WNT3A: variants seen among roughly 807,000 people sequenced by gnomAD.
WNT3A encodes protein Wnt-3a.
Under a neutral mutation model 37.0 loss-of-function variants are expected in WNT3A, and 17 were observed. The ratio of observed to expected loss-of-function variants is 0.46; its 90% CI spans 0.31 to 0.69. The LOEUF (loss-of-function observed/expected upper bound fraction) is 0.69. Ranked by LOEUF, WNT3A falls within the 30% of genes least tolerant of loss-of-function variation. WNT3A has a pLI of 0.05. For synonymous variants in WNT3A, 187 were observed against 211.0 expected (o/e 0.89, Z 0.99); for missense variants, 411 against 510.2 (o/e 0.81, Z 1.87).
intron 1 of WNT3A, among the ~76,000 whole-genome samples, chr1:228,016,091 G>A (rs2030524616): frequency 6.6e-6 from 1 of 152,120 alleles, no homozygotes; most frequent in Non-Finnish European, 1.5e-5. Context: ...CTACTACCTT[G>A]CTCTTTTGGG....
chr1:228,044,344 G>C (rs1166069365), intron 2 of WNT3A, among the ~76,000 whole-genome samples: 1 of 152,110 alleles, frequency 6.6e-6, no homozygotes, highest in African/African-American at 2.4e-5. Context: ...CCACACTCTG[G>C]ACGTCACTCA....
intron 3 of WNT3A, among the ~76,000 whole-genome samples, chr1:228,056,545 A>C (rs2031685948): frequency 6.6e-6 from 1 of 152,218 alleles, no homozygotes; most frequent in Non-Finnish European, 1.5e-5. Flanking sequence ...AAGAGATTAA[A>C]AATAAGAGCA....
At chr1:228,022,111 G>T (rs892154185) in intron 1 of WNT3A, among the ~76,000 whole-genome samples, 2 of 152,198 alleles carry the variant, frequency 1.3e-5, no homozygotes, top group Non-Finnish European at 2.9e-5. Context: ...TAAATAGCCA[G>T]CATTGAGTAT....
intron 1 of WNT3A, among the ~76,000 whole-genome samples, chr1:228,017,957 C>CA (rs1033754857): frequency 6.6e-6 from 1 of 152,160 alleles, no homozygotes; most frequent in African/African-American, 2.4e-5. Flanking sequence ...CCTATCTCTA[C>CA]AAAAAATACA....
intron 2 of WNT3A, among the ~76,000 whole-genome samples, chr1:228,043,586 GT>G (rs2102775695): frequency 6.6e-6 from 1 of 152,362 alleles, no homozygotes; most frequent in African/African-American, 2.4e-5. Flanking sequence ...TGACAAAGGT[GT>G]TTGTGGTAGA....
chr1:228,017,274 G>T (rs1473872923), intron 1 of WNT3A, among the ~76,000 whole-genome samples: 1 of 152,164 alleles, frequency 6.6e-6, no homozygotes, highest in Non-Finnish European at 1.5e-5. Flanking sequence ...GGCCAGGTAA[G>T]GGGCTGGGTG....
At chr1:228,013,421 C>T (rs879598656) in intron 1 of WNT3A, among the ~76,000 whole-genome samples, 8 of 152,346 alleles carry the variant, frequency 5.3e-5, no homozygotes, top group South Asian at 2.1e-4. Flanking sequence ...ATTCCTTCCC[C>T]GGCAAAACGT....
intron 2 of WNT3A, among the ~76,000 whole-genome samples, chr1:228,043,545 ACT>A (rs2031337290): frequency 6.6e-6 from 1 of 151,942 alleles, no homozygotes; most frequent in African/African-American, 2.4e-5. Flanking sequence ...CCCATAGCTG[ACT>A]CTGTTGTGTC....
Position 228,059,107 on chromosome 1 carries a change from A to G in WNT3A, c.701A>G (p.Lys234Arg). 1.2e-6 allele frequency: 2 copies of G among 1,613,786 alleles called. No homozygotes were observed. Among genetic ancestry groups the G allele is most frequent in the Non-Finnish European group, 1.7e-6 (2 of 1,179,970 alleles). ...FRAIGDFLKD[K>R]YDSASEMVVE... is the part of the protein sequence containing the mutation. The stretch of plus-strand genomic sequence containing the variant: ...GCCATCGGTGACTTCCTCAAGGACA[A>G]GTACGACAGCGCCTCGGAGATGGTG... The change falls in exon 4 of 4, where the codon AAG becomes AGG. Residue 234 changes from lysine to arginine, a missense_variant. By Grantham distance (26) the Lys-to-Arg change is conservative. Transcript: ENST00000284523.
At chr1:228,012,654 G>A (rs2030408058) in intron 1 of WNT3A, among the ~76,000 whole-genome samples, 1 of 152,128 alleles carries the variant, frequency 6.6e-6, no homozygotes, top group Non-Finnish European at 1.5e-5. Context: ...TTTCTGTTCA[G>A]AAGACCCGCT....
At chr1:228,046,725 C>A (rs1571811311) in intron 2 of WNT3A, among the ~76,000 whole-genome samples, 1 of 143,724 alleles carries the variant, frequency 7.0e-6, no homozygotes, top group East Asian at 2.1e-4. Flanking sequence ...TATATGTGTT[C>A]ATGTATGTAG....
chr1:228,016,411 CTG>C (rs2030534080), intron 1 of WNT3A, among the ~76,000 whole-genome samples: 1 of 152,118 alleles, frequency 6.6e-6, no homozygotes, highest in East Asian at 1.9e-4. Flanking sequence ...GTTGGGGAAA[CTG>C]AGGTTCCAAC....
chr1:228,022,986 C>A, intron 2 of WNT3A, 78 bp downstream of exon 2: 1 of 1,535,064 alleles, frequency 6.5e-7, no homozygotes, highest in South Asian at 1.3e-5. Flanking sequence ...CTGACATTCT[C>A]ATCTGTGCAC....
chr1:228,029,208 T>C (rs1011203141), intron 2 of WNT3A, among the ~76,000 whole-genome samples: 2 of 152,198 alleles, frequency 1.3e-5, no homozygotes, highest in Non-Finnish European at 2.9e-5. Context: ...ACAATGTCGG[T>C]ACTAACCGTT....
intron 3 of WNT3A, among the ~76,000 whole-genome samples, chr1:228,056,580 C>G (rs953731852): frequency 1.3e-5 from 2 of 151,968 alleles, no homozygotes; most frequent in African/African-American, 4.8e-5. Flanking sequence ...AGGATCTGTC[C>G]AAGAAAGACA....
At chr1:228,014,656 G>A (rs1164200505) in intron 1 of WNT3A, among the ~76,000 whole-genome samples, 4 of 152,212 alleles carry the variant, frequency 2.6e-5, no homozygotes, top group Non-Finnish European at 5.9e-5. Flanking sequence ...CTCCAGTGCC[G>A]CCACGTAAGA....
At chr1:228,021,839 C>G (rs1558286104) in intron 1 of WNT3A, among the ~76,000 whole-genome samples, 1 of 152,238 alleles carries the variant, frequency 6.6e-6, no homozygotes, top group Non-Finnish European at 1.5e-5. Context: ...CCCACCTGAC[C>G]CGGTCCCCAG....
intron 1 of WNT3A, among the ~76,000 whole-genome samples, chr1:228,020,911 G>A (rs775798004): frequency 7.9e-5 from 12 of 152,148 alleles, no homozygotes; most frequent in Admixed American, 3.9e-4. Flanking sequence ...CTGGGAGTCC[G>A]GTCCGGAGGC....
In WNT3A at chr1:228,022,838, C is replaced by A. The variant is rs1213331058; in HGVS notation, c.243C>A (p.Phe81Leu). The change falls in exon 2 of 4, where the codon TTC (phenylalanine) becomes TTA (leucine). Residue 81 changes from phenylalanine (F) to leucine (L), a missense_variant. Coordinates refer to ENST00000284523, the MANE Select transcript of WNT3A (RefSeq NM_033131.4). ...GCATCCAGGAGTGCCAGCACCAGTT[C>A]CGCGGCCGCCGGTGGAACTGCACCA... The part of the protein sequence containing the change: ...KIGIQECQHQ[F>L]RGRRWNCTTV... The A allele has an allele frequency of 1.2e-6, 2 of 1,613,950 alleles. No individual in the cohort carries two copies. The highest frequency in any genetic ancestry group is 1.7e-6 in the Non-Finnish European group (2 of 1,180,018).
Sources: gnomAD v4.1 joint callset for allele counts (sites outside exome capture counted in the v4.1 genomes callset) on GRCh38, gnomAD v4.1.1 for gene constraint, MANE v1.5 for transcripts, NCBI Gene and HGNC (gene_info 2026-07-23, HGNC 2026-07-21) for gene names.